Variants in KAZN observed in about 807,000 individuals in gnomAD.
KAZN encodes kazrin.
KAZN carries 40 observed loss-of-function variants against 87.4 expected under a neutral mutation model. That is an observed-to-expected ratio of 0.46 (90% CI 0.36 to 0.60). KAZN has a LOEUF of 0.60. Among genes scored for constraint, KAZN ranks in the 20% least tolerant of loss-of-function variants. The probability of loss-of-function intolerance (pLI) is 0.00; values close to 1 mark genes in which losing one functional copy is unlikely to be tolerated. For synonymous variants in KAZN, 466 were observed against 458.3 expected (o/e 1.02, Z -0.22); for missense variants, 898 against 1,073.9 (o/e 0.84, Z 2.29).
At chr1:14,506,987 T>C (rs1046015893) in intron 2 of KAZN, among the ~76,000 whole-genome samples, 2 of 152,188 alleles carry the variant, frequency 1.3e-5, no homozygotes, top group East Asian at 1.9e-4. Flanking sequence ...AGCCATCCCA[T>C]TGTGGTGCAT....
chr1:14,787,476 C>G (rs1198880125), intron 1 of KAZN, among the ~76,000 whole-genome samples: 1 of 152,116 alleles, frequency 6.6e-6, no homozygotes, highest in African/African-American at 2.4e-5. Context: ...TCTTTTCTGT[C>G]CATAAAATGA....
chr1:14,540,919 T>C (rs1221310987), intron 2 of KAZN, among the ~76,000 whole-genome samples: 1 of 152,164 alleles, frequency 6.6e-6, no homozygotes, highest in Non-Finnish European at 1.5e-5. Flanking sequence ...GGTTTTTCAG[T>C]CCTGTCCCTT....
At chr1:14,734,537 T>A (rs1332307527) in intron 1 of KAZN, among the ~76,000 whole-genome samples, 1 of 152,134 alleles carries the variant, frequency 6.6e-6, no homozygotes, top group Non-Finnish European at 1.5e-5. Flanking sequence ...GGTCTTGAAC[T>A]CCCGACCTCA....
chr1:14,544,350 C>CTTTTTTTTTTTTTTTTTTTTTTTT (rs374148415), intron 2 of KAZN, among the ~76,000 whole-genome samples: 7 of 98,120 alleles, frequency 7.1e-5, no homozygotes, highest in African/African-American at 2.0e-4. Flanking sequence ...TTCTTTCTTT[C>CTTTTTTTTTTTTTTTTTTTTTTTT]TTTTTTTTTT....
intron 13 of KAZN, among the ~76,000 whole-genome samples, chr1:15,107,561 A>G (rs1235588754): frequency 6.6e-6 from 1 of 152,248 alleles, no homozygotes; most frequent in African/African-American, 2.4e-5. Context: ...TTGTAAAATG[A>G]GTATGGTAAT....
At chr1:13,937,718 G>T (rs1640791056) in intron 1 of KAZN, among the ~76,000 whole-genome samples, 1 of 152,090 alleles carries the variant, frequency 6.6e-6, no homozygotes, top group Non-Finnish European at 1.5e-5. Flanking sequence ...TGAGAGATAT[G>T]GGTCCAGTTT....
intron 2 of KAZN, among the ~76,000 whole-genome samples, chr1:14,978,391 G>A (rs932084040): frequency 6.6e-6 from 1 of 152,150 alleles, no homozygotes. Flanking sequence ...AAAAGCATCC[G>A]GCAGCTTGAG....
intron 1 of KAZN, among the ~76,000 whole-genome samples, chr1:14,818,358 G>C (rs963372131): frequency 6.6e-6 from 1 of 152,238 alleles, no homozygotes; most frequent in South Asian, 2.1e-4. Context: ...AGTTCAATGG[G>C]AGACCTGTTG....
chr1:14,884,606 C>A (rs1008119300), intron 1 of KAZN, among the ~76,000 whole-genome samples: 1 of 152,180 alleles, frequency 6.6e-6, no homozygotes, highest in Non-Finnish European at 1.5e-5. Context: ...TTTCGAAGGT[C>A]GTTTAGAGCA....
chr1:14,217,019 T>C (rs1393802058), intron 2 of KAZN, among the ~76,000 whole-genome samples: 2 of 152,204 alleles, frequency 1.3e-5, no homozygotes, highest in African/African-American at 4.8e-5. Flanking sequence ...TTGAAACTAA[T>C]TGCCATTATA....
chr1:14,918,518 A>G (rs1478666268), intron 1 of KAZN, among the ~76,000 whole-genome samples: 1 of 151,608 alleles, frequency 6.6e-6, no homozygotes, highest in African/African-American at 2.4e-5. Flanking sequence ...TCTACTAAAA[A>G]TACAAAAATT....
chr1:14,940,365 A>G (rs1389727722), intron 1 of KAZN, among the ~76,000 whole-genome samples: 7 of 152,246 alleles, frequency 4.6e-5, no homozygotes, highest in African/African-American at 1.2e-4. Flanking sequence ...TTGATCTCAC[A>G]GTAGCATCCA....
chr1:14,142,391 G>A (rs907753679), intron 1 of KAZN, among the ~76,000 whole-genome samples: 2 of 152,180 alleles, frequency 1.3e-5, no homozygotes, highest in African/African-American at 4.8e-5. Flanking sequence ...GTAAATGAAT[G>A]GAGAGGCTGC....
chr1:14,237,154 C>T (rs1425691756), intron 2 of KAZN, among the ~76,000 whole-genome samples: 3 of 152,064 alleles, frequency 2.0e-5, no homozygotes, highest in Non-Finnish European at 4.4e-5. Context: ...GGAGGAGTGG[C>T]GAGTGTGAAC....
chr1:14,762,259 A>G (rs915416760), intron 1 of KAZN, among the ~76,000 whole-genome samples: 7 of 152,194 alleles, frequency 4.6e-5, no homozygotes, highest in African/African-American at 1.7e-4. Flanking sequence ...CTTGAATGCT[A>G]TGCCAAGGAA....
At chr1:14,686,447 T>C (rs2148773621) in intron 1 of KAZN, among the ~76,000 whole-genome samples, 1 of 152,396 alleles carries the variant, frequency 6.6e-6, no homozygotes, top group East Asian at 1.9e-4. Context: ...GGCAGATATA[T>C]GTGGTCCCCT....
At chr1:14,205,270 C>T (rs1646716799) in intron 2 of KAZN, among the ~76,000 whole-genome samples, 1 of 152,156 alleles carries the variant, frequency 6.6e-6, no homozygotes. Context: ...GTTTAGTAGT[C>T]AGCTCACCTA....
In KAZN at chr1:14,795,928, C is replaced by A. The variant is rs1572502506; in HGVS notation, c.227-164756C>A. On this transcript the variant is annotated intron_variant, in intron 1 of 14. Coordinates refer to ENST00000376030, the MANE Select transcript of KAZN (RefSeq NM_201628.3). ...CAGGAAACCCTCACCGGCACCCATT[C>A]TTCCTCCCCGGGGCCTGCTGTGTGT... Among the ~76,000 whole-genome samples, 3 of 152,308 alleles carry A rather than the reference C, an allele frequency of 2.0e-5. No homozygotes were observed. The East Asian group carries it at 5.8e-4, about 29-fold the overall frequency.
chr1:14,704,909 A>G lies in KAZN; in HGVS notation c.226+105686A>G, dbSNP rs561404273. Among the ~76,000 whole-genome samples the G allele has an allele frequency of 7.9e-5, 12 of 152,320 alleles. No individual in the cohort carries two copies. In the South Asian group the frequency reaches 2.1e-3, roughly 26 times the overall value. ...CTTTCTGCAAGGCAGCCTTCTCTGT[A>G]TAACCCTTTCCTTGGTTTTCCTTCT... On this transcript the variant is annotated intron_variant, in intron 1 of 14. Transcript: ENST00000376030.
Sources: gnomAD v4.1 joint callset for allele counts (sites outside exome capture counted in the v4.1 genomes callset) on GRCh38, gnomAD v4.1.1 for gene constraint, MANE v1.5 for transcripts, NCBI Gene and HGNC (gene_info 2026-07-23, HGNC 2026-07-21) for gene names.